The following TUBGCP3 variants were observed in gnomAD, a reference collection of about 807,000 sequenced individuals.
The protein encoded by TUBGCP3 is gamma-tubulin complex component 3.
Under a neutral mutation model 123.1 loss-of-function variants are expected in TUBGCP3, and 50 were observed. The ratio of observed to expected loss-of-function variants is 0.41; its 90% CI spans 0.32 to 0.51. The LOEUF is 0.51. TUBGCP3 is among the 20% of genes least tolerant of loss of function. The pLI, the probability that TUBGCP3 is intolerant of heterozygous loss-of-function variation, is 0.36. For missense variants in TUBGCP3, 882 were observed against 1,127.0 expected (o/e 0.78, Z 3.11); for synonymous variants, 405 against 413.9 (o/e 0.98, Z 0.26).
intron 1 of TUBGCP3, among the ~76,000 whole-genome samples, chr13:112,583,055 G>C (rs1366951910): frequency 6.6e-6 from 1 of 152,108 alleles, no homozygotes; most frequent in East Asian, 1.9e-4. Context: ...TCAGAACTTG[G>C]GTTCCAACCT....
At chr13:112,540,687 C>T (rs73566381) in intron 11 of TUBGCP3, among the ~76,000 whole-genome samples, 1 of 129,546 alleles carries the variant, frequency 7.7e-6, no homozygotes, top group South Asian at 2.5e-4. Flanking sequence ...TGGGAAAGGA[C>T]ACCTGGGAAT....
Position 112,545,755 on chromosome 13 carries a change from A to G in TUBGCP3, c.1279T>C (p.Leu427=), listed in dbSNP as rs752056073. ...HILSLVSHPV[L]SFLYRWIYDG... is the part of the protein sequence containing the mutation. ...TATATCCAGCGGTACAGGAAGCTCA[A>G]AACAGGATGAGACACGAGGCTGAGG... The change falls in exon 11 of 22, where the codon TTG becomes CTG. Residue 427 remains leucine (L), a synonymous_variant. Coordinates refer to ENST00000261965, the MANE Select transcript of TUBGCP3 (RefSeq NM_006322.6). The surrounding 1 kb of genome is among the most constrained non-coding windows in gnomAD (Gnocchi z 4.1). The G allele has an allele frequency of 4.3e-6, 7 of 1,614,220 alleles. No homozygotes were observed. The highest frequency in any genetic ancestry group is 1.1e-5 in the South Asian group (1 of 91,084).
rs550735592 is a variant in TUBGCP3, at chr13:112,486,966, C to T, written c.2566-815G>A. 7.2e-5 allele frequency among the ~76,000 whole-genome samples: 11 copies of T among 152,308 alleles called. No individual in the cohort carries two copies. In the South Asian group the frequency reaches 2.1e-3, roughly 29 times the overall value. Reference sequence around the variant, plus strand: ...CCTTCCCAGCTTCTGGTCAGAAACACGAATGCTGAAGCTCACAGGCAGGCC... The same window carrying T: ...CCTTCCCAGCTTCTGGTCAGAAACATGAATGCTGAAGCTCACAGGCAGGCC... On this transcript the variant is annotated intron_variant, in intron 21 of 21. Coordinates refer to ENST00000261965, the MANE Select transcript of TUBGCP3 (RefSeq NM_006322.6).
In TUBGCP3 at chr13:112,541,837, G is replaced by A. The variant is rs1052691784; in HGVS notation, c.1335+3862C>T. Among the ~76,000 whole-genome samples, 11 of 152,128 alleles carry A rather than the reference G, an allele frequency of 7.2e-5. No homozygotes were observed. In the East Asian group the frequency reaches 2.1e-3, roughly 29 times the overall value. The stretch of plus-strand genomic sequence containing the variant: ...CAATTGATCAGCAATCATTAGAAAA[G>A]TTGAAATCGCCCAAATTCATACTAT... On this transcript the variant is annotated intron_variant, in intron 11 of 21. Transcript: ENST00000261965.
intron 11 of TUBGCP3, among the ~76,000 whole-genome samples, chr13:112,539,261 G>A (rs577935168): frequency 6.6e-6 from 1 of 152,274 alleles, no homozygotes; most frequent in East Asian, 1.9e-4. Flanking sequence ...AGAGGTGAAG[G>A]TATTTGCCCA....
chr13:112,533,914 C>T lies in TUBGCP3; in HGVS notation c.1336-6430G>A, dbSNP rs1877807078. Reference sequence around the variant, plus strand: ...TGTGAGATTTTGGTGCACCCATCACCCGAGCAGTGTACACTGCACCCAATT... The same window carrying T: ...TGTGAGATTTTGGTGCACCCATCACTCGAGCAGTGTACACTGCACCCAATT... On this transcript the variant is annotated intron_variant, in intron 11 of 21. Coordinates refer to ENST00000261965, the MANE Select transcript of TUBGCP3 (RefSeq NM_006322.6). Among the ~76,000 whole-genome samples, 4 of 151,472 alleles carry T rather than the reference C, an allele frequency of 2.6e-5. No individual in the cohort carries two copies. In the South Asian group the frequency reaches 8.3e-4, roughly 32 times the overall value.
At chr13:112,515,137 T>C (rs1388178744) in intron 17 of TUBGCP3, among the ~76,000 whole-genome samples, 1 of 152,206 alleles carries the variant, frequency 6.6e-6, no homozygotes, top group African/African-American at 2.4e-5. Flanking sequence ...ACAAAACTCA[T>C]TATTGATATT....
At chr13:112,599,138 G>T in the TUBGCP3 span, among the ~76,000 whole-genome samples, 18 of 152,128 alleles carry the variant, frequency 1.2e-4, no homozygotes, top group African/African-American at 3.6e-4. Flanking sequence ...AGTTCTGATC[G>T]CGTATTATCA....
At chr13:112,533,080 G>C (rs974902937) in intron 11 of TUBGCP3, among the ~76,000 whole-genome samples, 4 of 152,220 alleles carry the variant, frequency 2.6e-5, no homozygotes, top group Non-Finnish European at 1.5e-5. Flanking sequence ...GGCACTCAAA[G>C]AGCTTCCAGG....
rs1427703412 is a variant in TUBGCP3, at chr13:112,587,635, C to CCGCCCCGGCGTTCT, written c.76+256_76+269dup. On this transcript the variant is annotated intron_variant, in intron 1 of 21. Coordinates refer to ENST00000261965, the MANE Select transcript of TUBGCP3 (RefSeq NM_006322.6). ...CGGCTCGGCTCCGCCCTCCCGCCTCCCGCCCCGGCGTTCTCGCCCCGGCCT... is the reference window on the plus strand; with the variant it reads ...CGGCTCGGCTCCGCCCTCCCGCCTCCCGCCCCGGCGTTCTCGCCCCGGCGTTCTCGCCCCGGCCT... Among the ~76,000 whole-genome samples, 103 of 152,300 alleles carry CCGCCCCGGCGTTCT rather than the reference C, an allele frequency of 6.8e-4. 2 individuals are homozygous for CCGCCCCGGCGTTCT. The highest frequency in any genetic ancestry group is 2.4e-3 in the African/African-American group (98 of 41,580).
intron 1 of TUBGCP3, among the ~76,000 whole-genome samples, chr13:112,579,786 GAA>G (rs1352140287): frequency 7.9e-5 from 12 of 152,246 alleles, no homozygotes; most frequent in Non-Finnish European, 1.3e-4. Context: ...GGCAACTTCT[GAA>G]AACAATGAGC....
intron 20 of TUBGCP3, among the ~76,000 whole-genome samples, chr13:112,493,724 A>G (rs1175566403): frequency 5.4e-4 from 54 of 100,396 alleles, no homozygotes; most frequent in South Asian, 1.0e-3. Flanking sequence ...TCCCTGAGAC[A>G]CTCTGGCTAT....
chr13:112,554,587 G>C (rs1260014223), intron 7 of TUBGCP3, among the ~76,000 whole-genome samples: 1 of 152,226 alleles, frequency 6.6e-6, no homozygotes, highest in Non-Finnish European at 1.5e-5. Context: ...AAGGTGCCAA[G>C]GGACCTCTGT....
intron 20 of TUBGCP3, among the ~76,000 whole-genome samples, chr13:112,493,886 T>C (rs372530224): frequency 2.6e-4 from 39 of 150,100 alleles, no homozygotes; most frequent in African/African-American, 9.2e-4. Flanking sequence ...ACTCTGGCTA[T>C]AGGAATGGGG....
chr13:112,510,491 G>C (rs1881608255), intron 17 of TUBGCP3, among the ~76,000 whole-genome samples: 1 of 152,156 alleles, frequency 6.6e-6, no homozygotes. Flanking sequence ...GATGACATTT[G>C]TTAAGACCTA....
rs951311677 is a variant in TUBGCP3, at chr13:112,555,952, A to G, written c.721+100T>C. ...TCATAAGAACAAGAAGAAACCACTA[A>G]AAGGTTTGAGGTGGGGCTCCTGGGC... On this transcript the variant is annotated intron_variant, in intron 6 of 21. Transcript: ENST00000261965. 3.0e-6 allele frequency: 4 copies of G among 1,326,982 alleles called. No individual in the cohort carries two copies. In the African/African-American group the frequency reaches 4.4e-5, roughly 15 times the overall value. 82.2% of individuals were successfully genotyped at this position (1,326,982 alleles called of 1,614,324 possible).
chr13:112,584,912 G>A (rs1210394019), intron 1 of TUBGCP3, among the ~76,000 whole-genome samples: 1 of 152,196 alleles, frequency 6.6e-6, no homozygotes, highest in African/African-American at 2.4e-5. Flanking sequence ...ATGACTGGCT[G>A]GCAGTATGTG....
At chr13:112,488,694 G>A (rs1438833762) in intron 21 of TUBGCP3, among the ~76,000 whole-genome samples, 46 of 144,350 alleles carry the variant, frequency 3.2e-4, no homozygotes, top group Non-Finnish European at 1.2e-4. Context: ...GTCACCCCCA[G>A]GTCCCCACAC....
chr13:112,504,565 C>T, intron 18 of TUBGCP3, 61 bp downstream of exon 18: 1 of 1,089,956 alleles, frequency 9.2e-7, no homozygotes. Flanking sequence ...TATATATATA[C>T]CATGTAAAAG....
Sources: gnomAD v4.1 joint callset for allele counts (sites outside exome capture counted in the v4.1 genomes callset) on GRCh38, gnomAD v4.1.1 for gene constraint, Gnocchi (gnomAD v3.1) non-coding constraint, MANE v1.5 for transcripts, NCBI Gene and HGNC (gene_info 2026-07-23, HGNC 2026-07-21) for gene names.